Variants in FRMD6 observed in about 807,000 individuals in gnomAD.
FRMD6 encodes FERM domain containing 6, also known as FERM domain-containing protein 6.
Under a neutral mutation model 73.2 loss-of-function variants are expected in FRMD6, and 37 were observed. The ratio of observed to expected loss-of-function variants is 0.51; its 90% confidence interval spans 0.39 to 0.66. The LOEUF is 0.66. FRMD6 is among the 30% of genes least tolerant of loss of function. The pLI is 0.00. For synonymous variants in FRMD6, 273 were observed against 282.2 expected (o/e 0.97, Z 0.33); for missense variants, 714 against 780.5 (o/e 0.91, Z 1.02).
At chr14:51,656,352 G>T (rs8022690) in intron 1 of FRMD6, among the ~76,000 whole-genome samples, 2 of 151,914 alleles carry the variant, frequency 1.3e-5, no homozygotes, top group African/African-American at 2.4e-5. Context: ...AAATACAGTC[G>T]CAAGGAGAAG....
chr14:51,411,975 A>G, the FRMD6 span, among the ~76,000 whole-genome samples: 1 of 152,206 alleles, frequency 6.6e-6, no homozygotes, highest in Admixed American at 6.5e-5. Context: ...TTGAAATACT[A>G]TAAATCTTTA....
chr14:51,679,885 T>C (rs1894679457), intron 1 of FRMD6, among the ~76,000 whole-genome samples: 1 of 152,212 alleles, frequency 6.6e-6, no homozygotes, highest in South Asian at 2.1e-4. Flanking sequence ...CAAGTACCTA[T>C]TGTCATTAGC....
intron 1 of FRMD6, among the ~76,000 whole-genome samples, chr14:51,516,075 T>C (rs966459909): frequency 1.3e-5 from 2 of 152,142 alleles, no homozygotes; most frequent in Admixed American, 6.5e-5. Flanking sequence ...CCAAGTTCTG[T>C]GGAGAGAGGG....
At chr14:51,701,190 T>C in intron 4 of FRMD6, 31 bp downstream of exon 4, 11 of 1,333,836 alleles carry the variant, frequency 8.2e-6, no homozygotes, top group Non-Finnish European at 1.1e-5. Context: ...AAAATTATTT[T>C]GATTTTTTTT....
At chr14:51,536,097 T>TATAGAGAG (rs1555373500) in intron 1 of FRMD6, among the ~76,000 whole-genome samples, 2 of 135,844 alleles carry the variant, frequency 1.5e-5, no homozygotes, top group Non-Finnish European at 3.1e-5. Flanking sequence ...TATATATATA[T>TATAGAGAG]AGAGAGAGAG....
chr14:51,691,031 C>T (rs187007925), intron 2 of FRMD6, among the ~76,000 whole-genome samples: 2 of 152,286 alleles, frequency 1.3e-5, no homozygotes, highest in East Asian at 1.9e-4. Context: ...AGTCAATATC[C>T]TTCACCTAAA....
intron 1 of FRMD6, among the ~76,000 whole-genome samples, chr14:51,670,109 C>G (rs973837766): frequency 6.6e-6 from 1 of 152,152 alleles, no homozygotes; most frequent in Non-Finnish European, 1.5e-5. Context: ...ACAAGTCTCA[C>G]TCTGTTGCCA....
At chr14:51,519,410 A>T (rs1884822273) in intron 1 of FRMD6, among the ~76,000 whole-genome samples, 1 of 152,094 alleles carries the variant, frequency 6.6e-6, no homozygotes, top group Non-Finnish European at 1.5e-5. Context: ...TCGGCTTCCC[A>T]AAGTGCTGGG....
intron 1 of FRMD6, chr14:51,652,206 C>A (rs961266503): frequency 2.6e-5 from 4 of 152,358 alleles, no homozygotes; most frequent in African/African-American, 9.7e-5. Flanking sequence ...CTCTGGGTGT[C>A]GGGCACCGGT....
At chr14:51,457,675 G>T in the FRMD6 span, among the ~76,000 whole-genome samples, 3 of 152,162 alleles carry the variant, frequency 2.0e-5, no homozygotes, top group Non-Finnish European at 2.9e-5. Flanking sequence ...CAGGTCACAT[G>T]GTAGCACTTC....
chr14:51,434,972 G>A, the FRMD6 span, among the ~76,000 whole-genome samples: 1 of 152,160 alleles, frequency 6.6e-6, no homozygotes, highest in African/African-American at 2.4e-5. Flanking sequence ...GGCTTCAAAA[G>A]TGTCACTGTT....
intron 2 of FRMD6, among the ~76,000 whole-genome samples, chr14:51,580,416 T>A (rs1888655458): frequency 6.6e-6 from 1 of 152,194 alleles, no homozygotes; most frequent in African/African-American, 2.4e-5. Flanking sequence ...ACATAGATTA[T>A]CTCAATTATT....
intron 2 of FRMD6, among the ~76,000 whole-genome samples, chr14:51,588,681 C>T (rs1049221577): frequency 5.9e-5 from 9 of 152,204 alleles, no homozygotes; most frequent in Admixed American, 5.9e-4. Context: ...GCCCCAACCT[C>T]ACACTCTGAT....
chr14:51,600,538 A>G lies in FRMD6; in HGVS notation c.-147+30128A>G, dbSNP rs778755542. Among the ~76,000 whole-genome samples the G allele has an allele frequency of 7.2e-4, 109 of 152,162 alleles. 2 individuals are homozygous for G. The highest frequency in any genetic ancestry group is 1.5e-4 in the Non-Finnish European group (10 of 68,018). ...GGTCTTCCTTCAAAGTTCCTGACAT[A>G]CCCATTTATAAAGGAGGTTAATAAT... On this transcript the variant is annotated intron_variant, in intron 2 of 14. Coordinates refer to the FRMD6 transcript ENST00000356218.
chr14:51,518,201 ATGAATCAAAG>A (rs1317017366), intron 1 of FRMD6, among the ~76,000 whole-genome samples: 14 of 152,244 alleles, frequency 9.2e-5, no homozygotes, highest in Admixed American at 3.9e-4. Context: ...TTTATTTAAT[ATGAATCAAAG>A]TGTACCATGA....
At chr14:51,715,581 CT>C (rs1897193591) in intron 10 of FRMD6, 82 bp downstream of exon 10, 2 of 1,225,674 alleles carry the variant, frequency 1.6e-6, no homozygotes, top group Non-Finnish European at 2.2e-6. Context: ...TTTTGAGCTC[CT>C]ACAGAATTGG....
intron 1 of FRMD6, among the ~76,000 whole-genome samples, chr14:51,521,574 A>AT (rs1884955441): frequency 6.6e-6 from 1 of 152,084 alleles, no homozygotes. Flanking sequence ...AAAAAAAAAA[A>AT]GACTGGTGTC....
At position 51,668,207 on chromosome 14, in the gene FRMD6, A is replaced by G. The variant is rs1373364016; in HGVS notation, c.-147+16211A>G. Among the ~76,000 whole-genome samples the G allele has an allele frequency of 2.6e-5, 4 of 152,234 alleles. No individual in the cohort carries two copies. The East Asian group carries it at 7.7e-4, about 29-fold the overall frequency. On this transcript the variant is annotated intron_variant, in intron 1 of 13. Coordinates refer to ENST00000344768, the MANE Select transcript of FRMD6 (RefSeq NM_001267046.2). ...GAAAAATACTCTATTAATTTATAGA[A>G]CTGGTTAGGAAAGGGATATGAAAGT...
At chr14:51,536,763 G>A (rs571369381) in intron 1 of FRMD6, among the ~76,000 whole-genome samples, 2 of 152,306 alleles carry the variant, frequency 1.3e-5, no homozygotes, top group Admixed American at 6.5e-5. Context: ...TTACTTTCTA[G>A]TTATGATCAT....
Sources: allele counts gnomAD v4.1 joint callset (sites outside exome capture counted in the v4.1 genomes callset), GRCh38; gene constraint gnomAD v4.1.1; transcripts MANE v1.5; gene names NCBI Gene and HGNC (gene_info 2026-07-23, HGNC 2026-07-21).